The following DMD variants were observed in gnomAD, a reference collection of about 807,000 sequenced individuals.
DMD encodes the protein dystrophin, also known as mutant dystrophin.
DMD carries 63 observed loss-of-function variants against 330.1 expected under a neutral mutation model. That is an observed-to-expected ratio of 0.19 (90% CI 0.16 to 0.24). The LOEUF (loss-of-function observed/expected upper bound fraction) is 0.24. DMD is among the 10% of genes least tolerant of loss of function. The pLI, the probability that DMD is intolerant of heterozygous loss-of-function variation, is 1.00. For synonymous variants in DMD, 1,223 were observed against 959.8 expected (o/e 1.27, Z -5.07); for missense variants, 3,344 against 2,684.1 (o/e 1.25, Z -5.43).
At position 32,545,315 on chromosome X, in the gene DMD, G is replaced by C. The variant is rs1198697689; in HGVS notation, c.2012C>G (p.Thr671Ser). 1.7e-6 allele frequency: 2 copies of C among 1,208,707 alleles called. No homozygotes were observed. The highest frequency in any genetic ancestry group is 2.2e-6 in the Non-Finnish European group (2 of 894,373). Residue 671 changes from threonine (T) to serine (S), a missense_variant, in exon 17 of 79, where the codon ACC becomes AGC. Coordinates refer to ENST00000357033, the MANE Select transcript of DMD (RefSeq NM_004006.3). ...STAQISQAVT[T>S]TQPSLTQTTV... ...TGTCTGTGTTAGTGATGGCTGAGTGGTGGTGACAGCCTGTGAAATCTGTGA... is the reference window on the plus strand; with the variant it reads ...TGTCTGTGTTAGTGATGGCTGAGTGCTGGTGACAGCCTGTGAAATCTGTGA...
At chrX:32,460,663 T>A (rs970045186) in intron 25 of DMD, among the ~76,000 whole-genome samples, 1 of 111,004 alleles carries the variant, frequency 9.0e-6, no homozygotes, top group Non-Finnish European at 1.9e-5. Context: ...TTTTCTCCAC[T>A]TCATTTTCTG....
At chrX:32,894,741 C>A (rs950113091) in intron 2 of DMD, among the ~76,000 whole-genome samples, 2 of 112,076 alleles carry the variant, frequency 1.8e-5, no homozygotes, top group Non-Finnish European at 3.8e-5. Context: ...TAAGGGTATG[C>A]GCACATTATT....
chrX:31,922,376 A>C (rs2094702689), intron 47 of DMD, among the ~76,000 whole-genome samples: 1 of 111,080 alleles, frequency 9.0e-6, no homozygotes, highest in South Asian at 3.8e-4. Context: ...GGTGAAAGCG[A>C]GTGTTTTCCT....
intron 63 of DMD, among the ~76,000 whole-genome samples, chrX:31,224,393 C>T (rs2046381624): frequency 8.9e-6 from 1 of 111,756 alleles, no homozygotes; most frequent in Non-Finnish European, 1.9e-5. Flanking sequence ...TTATGGCCAT[C>T]GCAGAGACCA....
At chrX:31,856,324 T>C (rs1270878527) in intron 48 of DMD, among the ~76,000 whole-genome samples, 1 of 112,143 alleles carries the variant, frequency 8.9e-6, no homozygotes. Flanking sequence ...CACTTCTAGG[T>C]GTTCTCATAT....
At chrX:32,190,725 AC>A (rs1313357999) in intron 44 of DMD, among the ~76,000 whole-genome samples, 2 of 108,104 alleles carry the variant, frequency 1.9e-5, no homozygotes, top group Non-Finnish European at 3.8e-5. Context: ...GTAGGTTAGA[AC>A]ATTCGAAATC....
Position 31,679,616 on chromosome X carries a change from T to C in DMD, c.7661-30A>G, listed in dbSNP as rs1381304301. 4.6e-6 allele frequency: 5 copies of C among 1,095,773 alleles called. No homozygotes were observed. The South Asian group carries it at 9.3e-5, about 20-fold the overall frequency. The allele number at this position is 1,095,773 out of a possible 1,213,427, so 90.3% of individuals were successfully genotyped here. ...AATAAAAGGAAAAATAAATATATAGTAGTAAATGCTAGTCTGGAGGAGACA... is the reference window on the plus strand; with the variant it reads ...AATAAAAGGAAAAATAAATATATAGCAGTAAATGCTAGTCTGGAGGAGACA... On this transcript the variant is annotated intron_variant, in intron 52 of 78. Transcript: ENST00000357033.
intron 48 of DMD, among the ~76,000 whole-genome samples, chrX:31,844,241 C>T (rs1233229813): frequency 9.1e-6 from 1 of 110,253 alleles, no homozygotes; most frequent in Non-Finnish European, 1.9e-5. Context: ...TTTCATTCCT[C>T]TGGATACGGT....
chrX:31,389,820 TA>T (rs1487910727), intron 60 of DMD, among the ~76,000 whole-genome samples: 1 of 112,359 alleles, frequency 8.9e-6, no homozygotes, highest in Non-Finnish European at 1.9e-5. Context: ...TGTATACATC[TA>T]ACTTTTATTC....
intron 2 of DMD, among the ~76,000 whole-genome samples, chrX:32,971,079 A>T (rs1268315840): frequency 9.0e-6 from 1 of 110,895 alleles, no homozygotes; most frequent in Non-Finnish European, 1.9e-5. Context: ...CTCCTGCCTC[A>T]GCCTCCTGAG....
chrX:32,590,557 C>A (rs2054793449), intron 13 of DMD, among the ~76,000 whole-genome samples: 1 of 111,529 alleles, frequency 9.0e-6, no homozygotes, highest in Non-Finnish European at 1.9e-5. Context: ...TAGAACAAAG[C>A]CAGGAGAACA....
chrX:32,825,417 G>T (rs1339808132), intron 4 of DMD, among the ~76,000 whole-genome samples: 1 of 111,344 alleles, frequency 9.0e-6, no homozygotes, highest in African/African-American at 3.3e-5. Context: ...GCTCAGACCT[G>T]ATAAAGGAAA....
intron 50 of DMD, among the ~76,000 whole-genome samples, chrX:31,815,427 GT>G (rs2092595643): frequency 9.9e-6 from 1 of 101,414 alleles, no homozygotes; most frequent in South Asian, 4.3e-4. Flanking sequence ...TCCAGCCTGG[GT>G]GACAGAGCAA....
chrX:32,574,899 A>ATTTT (rs57772309), intron 13 of DMD, among the ~76,000 whole-genome samples: 14 of 98,454 alleles, frequency 1.4e-4, no homozygotes, highest in African/African-American at 4.8e-4. Context: ...TAATCCACCT[A>ATTTT]TTTTTTTTTT....
At chrX:31,233,346 T>G (rs1183842137) in intron 63 of DMD, among the ~76,000 whole-genome samples, 3 of 111,968 alleles carry the variant, frequency 2.7e-5, no homozygotes, top group Non-Finnish European at 5.6e-5. Flanking sequence ...TAACAGTCTC[T>G]CTTCATAAGT....
intron 1 of DMD, among the ~76,000 whole-genome samples, chrX:33,064,617 G>T (rs1466505590): frequency 8.9e-6 from 1 of 111,819 alleles, no homozygotes; most frequent in Non-Finnish European, 1.9e-5. Flanking sequence ...GGCCAGACGC[G>T]GTGGCTCATG....
chrX:33,130,630 C>T (rs145577488), intron 1 of DMD, among the ~76,000 whole-genome samples: 1,443 of 109,285 alleles, frequency 0.013, 26 homozygotes, highest in African/African-American at 0.045. Flanking sequence ...TCTCGGCTCA[C>T]CGCAACCTCT....
intron 7 of DMD, among the ~76,000 whole-genome samples, chrX:32,768,701 G>A (rs1373974169): frequency 1.8e-5 from 2 of 111,749 alleles, no homozygotes; most frequent in Non-Finnish European, 3.8e-5. Flanking sequence ...GAATCTAATG[G>A]ATATTTTCCT....
intron 62 of DMD, chrX:31,266,995 G>C (rs1357382440): frequency 1.3e-6 from 1 of 776,631 alleles, no homozygotes; most frequent in Non-Finnish European, 1.7e-6. Flanking sequence ...GGGCGCTGCG[G>C]GCAGACGGGG....
Sources: allele counts gnomAD v4.1 joint callset (sites outside exome capture counted in the v4.1 genomes callset), GRCh38; gene constraint gnomAD v4.1.1; transcripts MANE v1.5; gene names NCBI Gene and HGNC (gene_info 2026-07-23, HGNC 2026-07-21).